Variants in ABHD18 observed in about 807,000 individuals in gnomAD.
ABHD18 encodes the protein cardiolipin-specific deacylase, mitochondrial.
In ABHD18, 55 loss-of-function variants were observed where a neutral mutation model predicts 65.9. The ratio of observed to expected loss-of-function variants is 0.84; its 90% CI spans 0.67 to 1.05. The LOEUF (loss-of-function observed/expected upper bound fraction) is 1.05. Ranked by LOEUF, ABHD18 falls within the 50% of genes least tolerant of loss-of-function variation. The pLI is 0.00. For synonymous variants in ABHD18, 181 were observed against 180.2 expected, an observed-to-expected ratio of 1.00 and a Z score of -0.04; for missense variants, 533 against 558.5, an observed-to-expected ratio of 0.95 and a Z score of 0.46.
intron 12 of ABHD18, among the ~76,000 whole-genome samples, chr4:128,034,228 A>C (rs2149202014): frequency 6.6e-6 from 1 of 152,246 alleles, no homozygotes; most frequent in Admixed American, 6.5e-5. Flanking sequence ...AAGTGCTGGG[A>C]TTACAGGCGT....
At position 127,972,289 on chromosome 4, in the gene ABHD18, ATGAT is replaced by A. The variant is rs542790981; in HGVS notation, c.-18+6691_-18+6694del. On this transcript the variant is annotated intron_variant, in intron 1 of 12. Transcript: ENST00000645843. ...TTTTACTGGAGTTTCATTAATAGGC[ATGAT>A]TGATTGAATCTTTGGCCATGTGATT... is the stretch of plus-strand genomic sequence containing the variant. Among the ~76,000 whole-genome samples, 134 of 152,248 alleles carry A rather than the reference ATGAT, an allele frequency of 8.8e-4. 2 individuals are homozygous for A. Among genetic ancestry groups the A allele is most frequent in the African/African-American group, 3.0e-3 (124 of 41,562 alleles).
intron 12 of ABHD18, chr4:128,031,048 G>T (rs1758133830): frequency 1.0e-6 from 1 of 1,000,204 alleles, no homozygotes; most frequent in Admixed American, 6.0e-5. Flanking sequence ...AACATCTGTG[G>T]AATAATTTAG....
At chr4:127,993,501 C>G (rs1751260898) in intron 4 of ABHD18, among the ~76,000 whole-genome samples, 2 of 149,900 alleles carry the variant, frequency 1.3e-5, no homozygotes, top group Admixed American at 6.7e-5. Context: ...ACATTGACAT[C>G]TATTTTTCCT....
chr4:127,992,964 A>G (rs1751173535), intron 4 of ABHD18, among the ~76,000 whole-genome samples: 1 of 152,130 alleles, frequency 6.6e-6, no homozygotes, highest in Admixed American at 6.5e-5. Context: ...TCTGGCCATG[A>G]TGGCATGTGC....
intron 4 of ABHD18, among the ~76,000 whole-genome samples, chr4:127,991,880 G>C (rs1337322831): frequency 2.6e-5 from 4 of 152,162 alleles, no homozygotes; most frequent in Non-Finnish European, 4.4e-5. Flanking sequence ...AATCTATAAA[G>C]TGTGAACTAA....
At chr4:128,018,064 G>C (rs757415592) in intron 8 of ABHD18, among the ~76,000 whole-genome samples, 2 of 152,140 alleles carry the variant, frequency 1.3e-5, no homozygotes, top group East Asian at 3.9e-4. Flanking sequence ...GCTGTGTCAC[G>C]TGCTAGCATC....
At chr4:128,004,201 C>T (rs1299888831) in intron 4 of ABHD18, among the ~76,000 whole-genome samples, 1 of 152,038 alleles carries the variant, frequency 6.6e-6, no homozygotes, top group East Asian at 1.9e-4. Flanking sequence ...CCTGTAACCC[C>T]AGCACTTTGG....
At chr4:128,029,740 A>G (rs1025191180) in intron 11 of ABHD18, among the ~76,000 whole-genome samples, 4 of 151,560 alleles carry the variant, frequency 2.6e-5, no homozygotes, top group African/African-American at 9.7e-5. Flanking sequence ...CAGGAGAATC[A>G]TTTGAACCCG....
chr4:127,973,154 C>T (rs1171051058), intron 1 of ABHD18, among the ~76,000 whole-genome samples: 1 of 152,060 alleles, frequency 6.6e-6, no homozygotes, highest in South Asian at 2.1e-4. Flanking sequence ...GGTGGGACTA[C>T]ACAGGCACAC....
Position 128,034,811 on chromosome 4 carries a change from C to T in ABHD18, c.1344-951C>T, listed in dbSNP as rs192189902. On this transcript the variant is annotated intron_variant, in intron 12 of 12. Transcript: ENST00000645843. ...GATTATAGGCATGTGCCACCACACC[C>T]GGCTAATTTTTTGTAATTTTAGTAG... 1.8e-3 allele frequency among the ~76,000 whole-genome samples: 275 copies of T among 152,114 alleles called. 2 individuals are homozygous for T. Among genetic ancestry groups the T allele is most frequent in the African/African-American group, 6.5e-3 (269 of 41,504 alleles).
At chr4:128,017,236 AT>A in intron 7 of ABHD18, 126 bp from the exon 8 acceptor site, 1 of 892,300 alleles carries the variant, frequency 1.1e-6, no homozygotes, top group East Asian at 2.8e-5. Context: ...AATTTATTAC[AT>A]TGTTTTACTT....
intron 6 of ABHD18, among the ~76,000 whole-genome samples, chr4:128,010,776 G>A (rs181593704): frequency 6.6e-6 from 1 of 151,696 alleles, no homozygotes; most frequent in Non-Finnish European, 1.5e-5. Flanking sequence ...TTAGCCAGGC[G>A]TGGTGGCGTG....
intron 11 of ABHD18, 118 bp from the exon 12 acceptor site, chr4:128,030,392 G>C (rs1013997178): frequency 1.4e-5 from 9 of 665,556 alleles, no homozygotes; most frequent in Non-Finnish European, 1.6e-5. Context: ...GCATATTATA[G>C]TTGATTTTTA....
At chr4:128,002,118 T>C (rs567917626) in intron 4 of ABHD18, among the ~76,000 whole-genome samples, 1 of 151,912 alleles carries the variant, frequency 6.6e-6, no homozygotes, top group Non-Finnish European at 1.5e-5. Context: ...CTACTAAAAA[T>C]GCAAAAATTA....
chr4:128,018,035 G>T (rs1321521917), intron 8 of ABHD18, among the ~76,000 whole-genome samples: 1 of 152,072 alleles, frequency 6.6e-6, no homozygotes, highest in African/African-American at 2.4e-5. Context: ...CCAAAAGCTT[G>T]CGTGCACACT....
Position 128,028,664 on chromosome 4 carries a change from T to C in ABHD18, c.991T>C (p.Leu331=). Residue 331 remains leucine, a synonymous_variant, in exon 11 of 13, where the codon TTG becomes CTG. Coordinates refer to ENST00000645843, the MANE Select transcript of ABHD18 (RefSeq NM_001358451.3). Reference sequence around the variant, plus strand: ...CAGTGCGACATCAGAAGGACTCTTATTGCAAGATACCTCTAAGATGAAGCG... The same window carrying C: ...CAGTGCGACATCAGAAGGACTCTTACTGCAAGATACCTCTAAGATGAAGCG... ...SVSATSEGLL[L]QDTSKMKRFN... 1.9e-6 allele frequency: 3 copies of C among 1,613,884 alleles called. No individual in the cohort carries two copies. Among genetic ancestry groups the C allele is most frequent in the Non-Finnish European group, 2.5e-6 (3 of 1,179,850 alleles).
At chr4:128,003,204 T>C (rs890704385) in intron 4 of ABHD18, among the ~76,000 whole-genome samples, 2 of 151,604 alleles carry the variant, frequency 1.3e-5, no homozygotes, top group Non-Finnish European at 2.9e-5. Flanking sequence ...CCATCTCTAC[T>C]ATAAATACAA....
chr4:128,005,002 G>T (rs1753362751), intron 4 of ABHD18, among the ~76,000 whole-genome samples: 1 of 152,330 alleles, frequency 6.6e-6, no homozygotes, highest in South Asian at 2.1e-4. Flanking sequence ...GCCAAGGCGG[G>T]TGGATCACTT....
chr4:128,002,801 G>C (rs769694798), intron 4 of ABHD18, among the ~76,000 whole-genome samples: 1 of 149,344 alleles, frequency 6.7e-6, no homozygotes, highest in East Asian at 2.1e-4. Flanking sequence ...GTGCCACCAC[G>C]CCTGGCTAAT....
Sources: gnomAD v4.1 joint callset for allele counts (sites outside exome capture counted in the v4.1 genomes callset) on GRCh38, gnomAD v4.1.1 for gene constraint, MANE v1.5 for transcripts, NCBI Gene and HGNC (gene_info 2026-07-23, HGNC 2026-07-21) for gene names.